Variants in ADD1 observed in about 807,000 individuals in gnomAD.
ADD1 encodes the protein adducin 1.
In ADD1, 24 loss-of-function variants were observed where a neutral mutation model predicts 80.5. The ratio of observed to expected loss-of-function variants is 0.30; its 90% CI spans 0.22 to 0.42. The LOEUF (loss-of-function observed/expected upper bound fraction) is 0.42. Among genes scored for constraint, ADD1 ranks in the 10% least tolerant of loss-of-function variants. The probability of loss-of-function intolerance (pLI) is 1.00; values close to 1 mark genes in which losing one functional copy is unlikely to be tolerated. For missense variants in ADD1, 948 were observed against 1,019.0 expected (o/e 0.93, Z 0.95); for synonymous variants, 373 against 393.8 (o/e 0.95, Z 0.63).
intron 1 of ADD1, among the ~76,000 whole-genome samples, chr4:2,852,743 G>C (rs1407310370): frequency 1.4e-5 from 2 of 140,452 alleles, no homozygotes; most frequent in Non-Finnish European, 3.0e-5. Flanking sequence ...CTGTCACCCA[G>C]GCTGAAGTGC....
intron 4 of ADD1, among the ~76,000 whole-genome samples, chr4:2,892,854 A>AC (rs905903731): frequency 8.6e-5 from 13 of 151,680 alleles, no homozygotes; most frequent in South Asian, 2.1e-4. Flanking sequence ...TAAAAAACAA[A>AC]AAAAAAAACA....
intron 4 of ADD1, among the ~76,000 whole-genome samples, chr4:2,886,721 A>C (rs1425677343): frequency 6.6e-6 from 1 of 152,192 alleles, no homozygotes; most frequent in African/African-American, 2.4e-5. Context: ...GAAATTGTGA[A>C]CAAGAGCTCG....
chr4:2,876,604 A>G (rs947594605), intron 2 of ADD1, among the ~76,000 whole-genome samples: 3 of 152,082 alleles, frequency 2.0e-5, no homozygotes, highest in Non-Finnish European at 4.4e-5. Context: ...TGGGAGGCCA[A>G]CATGGGTGGA....
In ADD1 at chr4:2,908,533, C is replaced by G; in HGVS notation, c.1627C>G (p.Gln543Glu). Reference sequence around the variant, plus strand: ...CCCTCAGATCCGAGAGCAGAATTTACAGGACATTAAGACGGCTGGCCCTCA... The same window carrying G: ...CCCTCAGATCCGAGAGCAGAATTTAGAGGACATTAAGACGGCTGGCCCTCA... ...MRNKIREQNL[Q>E]DIKTAGPQSQ... is the part of the protein sequence containing the mutation. The change falls in exon 12 of 16, where the codon CAG becomes GAG. Residue 543 changes from glutamine to glutamate, a missense_variant. Physicochemically the swap from Gln to Glu is conservative, Grantham distance 29 (BLOSUM62 2). Transcript: ENST00000683351. The G allele has an allele frequency of 6.2e-7, 1 of 1,614,206 alleles. No individual in the cohort carries two copies. Among genetic ancestry groups the G allele is most frequent in the Non-Finnish European group, 8.5e-7 (1 of 1,180,012 alleles).
At chr4:2,906,766 G>C (rs1038092274) in intron 10 of ADD1, among the ~76,000 whole-genome samples, 4 of 152,178 alleles carry the variant, frequency 2.6e-5, no homozygotes, top group African/African-American at 9.7e-5. Flanking sequence ...TATCTGAGAA[G>C]ATAACCATCA....
At chr4:2,886,297 T>C (rs1381617406) in intron 4 of ADD1, among the ~76,000 whole-genome samples, 1 of 152,228 alleles carries the variant, frequency 6.6e-6, no homozygotes, top group Non-Finnish European at 1.5e-5. Flanking sequence ...AGAGGAATGC[T>C]AAGCCTCTTG....
chr4:2,921,999 C>G (rs891146864), intron 14 of ADD1, among the ~76,000 whole-genome samples: 4 of 151,864 alleles, frequency 2.6e-5, no homozygotes, highest in African/African-American at 9.7e-5. Context: ...CATTTATGTT[C>G]TTCTCTACAC....
chr4:2,904,600 T>G, intron 9 of ADD1, 164 bp from the exon 10 acceptor site: 1 of 659,896 alleles, frequency 1.5e-6, no homozygotes, highest in Non-Finnish European at 2.6e-6. Flanking sequence ...TGGTTTTTGG[T>G]GAACACATTT....
At chr4:2,899,948 C>T (rs1203644757) in intron 9 of ADD1, 4 of 218,880 alleles carry the variant, frequency 1.8e-5, no homozygotes, top group Non-Finnish European at 3.7e-5. Context: ...ATGGGGCCTG[C>T]AGCACACAGG....
intron 4 of ADD1, among the ~76,000 whole-genome samples, chr4:2,889,629 C>T (rs1049761746): frequency 2.0e-5 from 3 of 151,668 alleles, no homozygotes; most frequent in Non-Finnish European, 4.4e-5. Flanking sequence ...CGAGACCAGC[C>T]TGACCAACAT....
chr4:2,867,211 A>T (rs1482049325), intron 1 of ADD1, among the ~76,000 whole-genome samples: 1 of 152,232 alleles, frequency 6.6e-6, no homozygotes, highest in Non-Finnish European at 1.5e-5. Flanking sequence ...GGGTCTTTAG[A>T]CAATTCGTGG....
In ADD1 at chr4:2,903,890, T is replaced by C. The variant is rs547747078; in HGVS notation, c.1162-874T>C. 5.9e-5 allele frequency among the ~76,000 whole-genome samples: 9 copies of C among 152,314 alleles called. No homozygotes were observed. In the South Asian group the frequency reaches 1.9e-3, roughly 32 times the overall value. ...TAGAGGCATGAAGTAAGTGGGGCTG[T>C]CTTTTACCACAGAGCACATGGTCAT... On this transcript the variant is annotated intron_variant, in intron 9 of 15. Coordinates refer to ENST00000683351, the MANE Select transcript of ADD1 (RefSeq NM_001354761.2).
At chr4:2,861,448 C>T (rs958335135) in intron 1 of ADD1, among the ~76,000 whole-genome samples, 2 of 152,136 alleles carry the variant, frequency 1.3e-5, no homozygotes, top group African/African-American at 4.8e-5. Context: ...AGTTTAGATA[C>T]AGAGAGACAA....
intron 3 of ADD1, among the ~76,000 whole-genome samples, chr4:2,884,178 C>T (rs1047498428): frequency 6.6e-6 from 1 of 151,710 alleles, no homozygotes; most frequent in Non-Finnish European, 1.5e-5. Flanking sequence ...ACAAATTTGG[C>T]TATCTTTTTG....
chr4:2,913,097 C>T (rs373359876), intron 13 of ADD1, among the ~76,000 whole-genome samples: 5 of 152,200 alleles, frequency 3.3e-5, no homozygotes, highest in African/African-American at 1.2e-4. Flanking sequence ...ATCCACCCGC[C>T]TCAGCTTCCC....
intron 9 of ADD1, among the ~76,000 whole-genome samples, chr4:2,903,095 C>T (rs1371886896): frequency 6.6e-6 from 1 of 151,700 alleles, no homozygotes; most frequent in East Asian, 1.9e-4. Flanking sequence ...AGATGGCCCC[C>T]AAAAAAGAGC....
chr4:2,898,791 G>A (rs1380331440), intron 8 of ADD1: 4 of 477,636 alleles, frequency 8.4e-6, no homozygotes, highest in African/African-American at 3.9e-5. Flanking sequence ...GTACTGGTGT[G>A]TATAGGCCTG....
intron 1 of ADD1, among the ~76,000 whole-genome samples, chr4:2,853,396 C>G (rs543958826): frequency 6.6e-6 from 1 of 151,974 alleles, no homozygotes; most frequent in Non-Finnish European, 1.5e-5. Context: ...TGTGAGCCAC[C>G]GGCGTCTTTT....
intron 2 of ADD1, among the ~76,000 whole-genome samples, chr4:2,877,906 G>A (rs1039259121): frequency 6.6e-6 from 1 of 152,236 alleles, no homozygotes; most frequent in African/African-American, 2.4e-5. Flanking sequence ...AGCTGAGGCT[G>A]CAGTGAGTTG....
Sources: allele counts gnomAD v4.1 joint callset (sites outside exome capture counted in the v4.1 genomes callset), GRCh38; gene constraint gnomAD v4.1.1; transcripts MANE v1.5; gene names NCBI Gene and HGNC (gene_info 2026-07-23, HGNC 2026-07-21).